SH3KBP1: variants seen among roughly 807,000 people sequenced by gnomAD.
The protein encoded by SH3KBP1 is SH3 domain-containing kinase-binding protein 1.
A neutral mutation model predicts 50.1 loss-of-function variants in SH3KBP1; 8 were observed. The ratio of observed to expected loss-of-function variants is 0.16; its 90% CI spans 0.09 to 0.29. SH3KBP1 has a LOEUF of 0.29. SH3KBP1 is among the 10% of genes least tolerant of loss of function. The pLI is 1.00. For synonymous variants in SH3KBP1, 227 were observed against 218.6 expected (o/e 1.04, Z -0.34); for missense variants, 377 against 535.2 (o/e 0.70, Z 2.92).
chrX:19,884,013 C>T (rs995552306), intron 1 of SH3KBP1, among the ~76,000 whole-genome samples: 2 of 111,723 alleles, frequency 1.8e-5, no homozygotes, highest in African/African-American at 3.3e-5. Flanking sequence ...AGATGCCCCG[C>T]GGTTCCCACG....
intron 2 of SH3KBP1, among the ~76,000 whole-genome samples, chrX:19,820,363 C>T (rs1288530006): frequency 9.0e-6 from 1 of 111,040 alleles, no homozygotes; most frequent in East Asian, 2.8e-4. Flanking sequence ...TCAGTTTTTG[C>T]TCCATATATG....
chrX:19,691,135 T>C (rs1294376417), intron 5 of SH3KBP1, among the ~76,000 whole-genome samples: 1 of 110,428 alleles, frequency 9.1e-6, no homozygotes, highest in Non-Finnish European at 1.9e-5. Context: ...TTATTATTTT[T>C]AAATTTCTGG....
chrX:19,537,383 G>A (rs754529358), intron 17 of SH3KBP1, among the ~76,000 whole-genome samples: 5 of 109,882 alleles, frequency 4.6e-5, no homozygotes, highest in South Asian at 3.9e-4. Flanking sequence ...GCTTGAACCC[G>A]GGAGGCGGAG....
At chrX:19,874,068 A>AAAAAAAAAAAATATATATATAT (rs1491537486) in intron 1 of SH3KBP1, among the ~76,000 whole-genome samples, 1 of 57,045 alleles carries the variant, frequency 1.8e-5, no homozygotes, top group African/African-American at 1.6e-4. Context: ...AAAAAAAAAA[A>AAAAAAAAAAAATATATATATAT]ATATATATAT....
intron 14 of SH3KBP1, among the ~76,000 whole-genome samples, chrX:19,549,342 C>T (rs986951371): frequency 2.7e-5 from 3 of 112,136 alleles, no homozygotes; most frequent in East Asian, 2.8e-4. Flanking sequence ...CTTCTTTATA[C>T]ATTTTGTAGT....
At chrX:19,863,725 C>T (rs1311551768) in intron 1 of SH3KBP1, among the ~76,000 whole-genome samples, 1 of 111,243 alleles carries the variant, frequency 9.0e-6, no homozygotes, top group African/African-American at 3.3e-5. Flanking sequence ...CCCCAACCTC[C>T]CTCGGGACAC....
intron 9 of SH3KBP1, among the ~76,000 whole-genome samples, chrX:19,597,074 A>G (rs2066926405): frequency 9.0e-6 from 1 of 111,694 alleles, no homozygotes. Context: ...CAGATCCATC[A>G]GAGGAATCAC....
rs752667267 is a variant in SH3KBP1, at chrX:19,850,332, C to T, written c.5-14050G>A. ...CTGCATAGCTAGGATTACAGGCACG[C>T]GCCACCATGCCTGGCTAATTTTTGT... is the stretch of plus-strand genomic sequence containing the variant. On this transcript the variant is annotated intron_variant, in intron 1 of 17. Coordinates refer to ENST00000397821, the MANE Select transcript of SH3KBP1 (RefSeq NM_031892.3). Among the ~76,000 whole-genome samples, 4 of 110,972 alleles carry T rather than the reference C, an allele frequency of 3.6e-5. No homozygotes were observed. The East Asian group carries it at 8.5e-4, about 23-fold the overall frequency.
At chrX:19,567,543 A>AT (rs2065882359) in intron 13 of SH3KBP1, among the ~76,000 whole-genome samples, 1 of 71,181 alleles carries the variant, frequency 1.4e-5, no homozygotes, top group African/African-American at 7.0e-5. Flanking sequence ...AAAAAAAAAA[A>AT]AAAAAAAAAA....
intron 12 of SH3KBP1, among the ~76,000 whole-genome samples, chrX:19,573,566 C>T (rs1211021928): frequency 1.6e-4 from 18 of 112,038 alleles, no homozygotes; most frequent in African/African-American, 5.5e-4. Context: ...GGATTACAGG[C>T]GTGAGCCACC....
At chrX:19,794,660 G>A (rs928906138) in intron 2 of SH3KBP1, among the ~76,000 whole-genome samples, 33 of 108,711 alleles carry the variant, frequency 3.0e-4, no homozygotes, top group Admixed American at 1.9e-3. Context: ...CCGAGATAGC[G>A]CCACTGCACT....
At chrX:19,781,224 G>T (rs1164468873) in intron 2 of SH3KBP1, among the ~76,000 whole-genome samples, 1 of 111,201 alleles carries the variant, frequency 9.0e-6, no homozygotes, top group Non-Finnish European at 1.9e-5. Context: ...AATGCCTTGG[G>T]GATCTTGCTA....
rs188102717 is a variant in SH3KBP1, at chrX:19,655,461, T to C, written c.727-9986A>G. On this transcript the variant is annotated intron_variant, in intron 6 of 17. Coordinates refer to ENST00000397821, the MANE Select transcript of SH3KBP1 (RefSeq NM_031892.3). ...ATTGGATAAAGAAAGGAGGTGCATA[T>C]AGATCGTGAAATACTACACAGCCAT... 7.1e-4 allele frequency among the ~76,000 whole-genome samples: 79 copies of C among 111,927 alleles called. 2 individuals carry two copies. Among genetic ancestry groups the C allele is most frequent in the Admixed American group, 5.1e-3 (54 of 10,547 alleles).
At chrX:19,699,493 G>C (rs1460971449) in intron 4 of SH3KBP1, among the ~76,000 whole-genome samples, 3 of 111,892 alleles carry the variant, frequency 2.7e-5, no homozygotes, top group Non-Finnish European at 3.8e-5. Flanking sequence ...CCTTTGATTA[G>C]TTTTGCCTCT....
intron 3 of SH3KBP1, among the ~76,000 whole-genome samples, chrX:19,712,186 G>A (rs1320590318): frequency 1.8e-5 from 2 of 112,047 alleles, no homozygotes; most frequent in African/African-American, 6.5e-5. Flanking sequence ...ATAGAAAAAT[G>A]GCTTCTTCTA....
chrX:19,811,898 G>A (rs942429411), intron 2 of SH3KBP1, among the ~76,000 whole-genome samples: 4 of 111,562 alleles, frequency 3.6e-5, no homozygotes, highest in Non-Finnish European at 7.5e-5. Flanking sequence ...CTCCCTAGAA[G>A]AAAACTTCAG....
intron 1 of SH3KBP1, among the ~76,000 whole-genome samples, chrX:19,866,640 T>C (rs1283123498): frequency 2.8e-5 from 3 of 106,597 alleles, no homozygotes; most frequent in South Asian, 4.2e-4. Context: ...CAATGAGCCA[T>C]GATCACACCA....
intron 2 of SH3KBP1, among the ~76,000 whole-genome samples, chrX:19,762,719 T>C (rs778885646): frequency 8.9e-6 from 1 of 112,249 alleles, no homozygotes; most frequent in Non-Finnish European, 1.9e-5. Context: ...CGGCTCTGTC[T>C]AGGCAGCAGG....
chrX:19,778,702 G>T (rs975536379), intron 2 of SH3KBP1, among the ~76,000 whole-genome samples: 2 of 110,722 alleles, frequency 1.8e-5, no homozygotes, highest in African/African-American at 6.6e-5. Flanking sequence ...TCACTCCCAT[G>T]ACTGACTTTC....
Sources: allele counts gnomAD v4.1 joint callset (sites outside exome capture counted in the v4.1 genomes callset), GRCh38; gene constraint gnomAD v4.1.1; transcripts MANE v1.5; gene names NCBI Gene and HGNC (gene_info 2026-07-23, HGNC 2026-07-21).